ANO2: variants seen among roughly 807,000 people sequenced by gnomAD.
ANO2 encodes anoctamin 2.
ANO2 carries 101 observed loss-of-function variants against 124.2 expected under a neutral mutation model. That is an observed-to-expected ratio of 0.81 (90% CI 0.69 to 0.96). The LOEUF is 0.96. ANO2 is among the 40% of genes least tolerant of loss of function. The pLI, the probability that ANO2 is intolerant of heterozygous loss-of-function variation, is 0.00. For missense variants in ANO2, 1,293 were observed against 1,274.5 expected, an observed-to-expected ratio of 1.01 and a Z score of -0.22; for synonymous variants, 486 against 482.5, an observed-to-expected ratio of 1.01 and a Z score of -0.09.
intron 14 of ANO2, among the ~76,000 whole-genome samples, chr12:5,670,174 C>T (rs1947924506): frequency 1.3e-5 from 2 of 152,212 alleles, no homozygotes; most frequent in Non-Finnish European, 2.9e-5. Context: ...AGTCACTTGA[C>T]CTGAGACTAG....
intron 11 of ANO2, among the ~76,000 whole-genome samples, chr12:5,749,414 C>G (rs1446909015): frequency 6.6e-6 from 1 of 152,194 alleles, no homozygotes; most frequent in Non-Finnish European, 1.5e-5. Context: ...GTATAAAGCT[C>G]TAAGGTGTAA....
chr12:5,861,409 G>T (rs147861394), intron 3 of ANO2, among the ~76,000 whole-genome samples: 1 of 152,304 alleles, frequency 6.6e-6, no homozygotes, highest in East Asian at 1.9e-4. Context: ...ACTGGAGGTC[G>T]CGCTCCTGGT....
At chr12:5,600,648 A>G (rs1452821229) in intron 19 of ANO2, among the ~76,000 whole-genome samples, 1 of 152,218 alleles carries the variant, frequency 6.6e-6, no homozygotes, top group African/African-American at 2.4e-5. Context: ...CATACTTCCC[A>G]TTGATGCACA....
intron 1 of ANO2, among the ~76,000 whole-genome samples, chr12:5,943,702 C>T (rs7314566): frequency 0.36 from 55,188 of 152,030 alleles, 10,892 homozygotes; most frequent in Middle Eastern, 0.49. Flanking sequence ...TGGATTATAC[C>T]GTGTACTAGA....
chr12:5,582,591 T>C (rs1253564112), intron 20 of ANO2, among the ~76,000 whole-genome samples: 1 of 152,208 alleles, frequency 6.6e-6, no homozygotes, highest in African/African-American at 2.4e-5. Context: ...GGAATACAAT[T>C]CTGATTTTTT....
chr12:5,870,578 C>A (rs1955547327), intron 3 of ANO2: 1 of 152,230 alleles, frequency 6.6e-6, no homozygotes. Context: ...CTTTGATGGG[C>A]TGCAAAGCTC....
Position 5,787,648 on chromosome 12 carries a change from T to C in ANO2, c.1055+11859A>G, listed in dbSNP as rs945860749. Reference sequence around the variant, plus strand: ...GCCTGCCACACAGCAAACATCTAACTGTTAGCTGTTGTCATTATTTTCCTC... The same window carrying C: ...GCCTGCCACACAGCAAACATCTAACCGTTAGCTGTTGTCATTATTTTCCTC... On this transcript the variant is annotated intron_variant, in intron 10 of 24. Transcript: ENST00000682330. This position sits in a 1 kb window ranked among gnomAD's most constrained non-coding sequence, Gnocchi z 4.2. Among the ~76,000 whole-genome samples the C allele has an allele frequency of 6.6e-6, 1 of 152,236 alleles. No individual in the cohort carries two copies. The highest frequency in any genetic ancestry group is 1.5e-5 in the Non-Finnish European group (1 of 68,040).
chr12:5,917,706 T>C (rs1941465475), intron 3 of ANO2, among the ~76,000 whole-genome samples: 1 of 151,692 alleles, frequency 6.6e-6, no homozygotes, highest in South Asian at 2.1e-4. Flanking sequence ...TAGCTGCGAC[T>C]ACAGATGCGC....
In ANO2 at chr12:5,578,248, C is replaced by T. The variant is rs1482523324; in HGVS notation, c.2386+118G>A. On this transcript the variant is annotated intron_variant, in intron 21 of 24. Transcript: ENST00000682330. ...CACTTCAGGATATGAGGATGAGGGA[C>T]CCAAAGGGAAGAGGGGCTTTCCCAG... 6 of 1,427,066 alleles carry T rather than the reference C, an allele frequency of 4.2e-6. No homozygotes were observed. The East Asian group carries it at 1.2e-4, about 27-fold the overall frequency. 88.4% of individuals were successfully genotyped at this position (1,427,066 alleles called of 1,614,324 possible).
intron 19 of ANO2, among the ~76,000 whole-genome samples, chr12:5,608,435 T>C (rs576073881): frequency 2.0e-5 from 3 of 152,094 alleles, no homozygotes; most frequent in Non-Finnish European, 1.5e-5. Context: ...GTACACATCC[T>C]CTGGCAGAGT....
At chr12:5,596,005 T>C (rs920563515) in intron 20 of ANO2, among the ~76,000 whole-genome samples, 1 of 152,234 alleles carries the variant, frequency 6.6e-6, no homozygotes, top group South Asian at 2.1e-4. Context: ...GAAAGCAATT[T>C]GGTAAAATGA....
chr12:5,740,279 G>A (rs917505683), intron 12 of ANO2: 1 of 202,224 alleles, frequency 4.9e-6, no homozygotes, highest in African/African-American at 2.3e-5. Flanking sequence ...CCTGAAAGGA[G>A]GGAAGGCCTT....
chr12:5,849,971 G>A (rs1347134647), intron 4 of ANO2, among the ~76,000 whole-genome samples: 4 of 152,100 alleles, frequency 2.6e-5, no homozygotes, highest in Admixed American at 2.6e-4. Context: ...CAGGAACTGG[G>A]TTTAACCCAG....
chr12:5,766,593 G>T (rs953077982), intron 10 of ANO2, among the ~76,000 whole-genome samples: 3 of 152,170 alleles, frequency 2.0e-5, no homozygotes, highest in African/African-American at 7.2e-5. Flanking sequence ...TGCTGATAAT[G>T]TTTTTCCTTC....
At chr12:5,592,138 C>G (rs1447588320) in intron 20 of ANO2, among the ~76,000 whole-genome samples, 1 of 152,156 alleles carries the variant, frequency 6.6e-6, no homozygotes, top group Non-Finnish European at 1.5e-5. Flanking sequence ...GCCCACAGGT[C>G]ATGGGATCAA....
At chr12:5,788,558 T>C (rs1952604974) in intron 10 of ANO2, among the ~76,000 whole-genome samples, 1 of 150,248 alleles carries the variant, frequency 6.7e-6, no homozygotes, top group African/African-American at 2.4e-5. Flanking sequence ...TGTTTGTCTT[T>C]TGTTTTTGTT....
chr12:5,605,055 C>T (rs947625466), intron 19 of ANO2, among the ~76,000 whole-genome samples: 4 of 152,152 alleles, frequency 2.6e-5, no homozygotes, highest in African/African-American at 7.2e-5. Flanking sequence ...CTTGGGCCTC[C>T]CTGCAGCAGG....
intron 7 of ANO2, among the ~76,000 whole-genome samples, chr12:5,823,993 C>A (rs1303966853): frequency 1.3e-5 from 2 of 152,226 alleles, no homozygotes; most frequent in Non-Finnish European, 2.9e-5. Context: ...CCCCTTTCAG[C>A]CACAGCTGGA....
At position 5,780,051 on chromosome 12, in the gene ANO2, T is replaced by G. The variant is rs562874526; in HGVS notation, c.1055+19456A>C. 1.7e-4 allele frequency among the ~76,000 whole-genome samples: 26 copies of G among 152,328 alleles called. No individual in the cohort carries two copies. The South Asian group carries it at 2.5e-3, about 15-fold the overall frequency. On this transcript the variant is annotated intron_variant, in intron 10 of 24. Coordinates refer to ENST00000682330, the MANE Select transcript of ANO2 (RefSeq NM_001364791.2). ...GTATCAATGTTAAACTTCCTGATTT[T>G]GAAAATCAGATGTAAGAAAAAGTCT...
Sources: allele counts gnomAD v4.1 joint callset (sites outside exome capture counted in the v4.1 genomes callset), GRCh38; gene constraint gnomAD v4.1.1; non-coding constraint Gnocchi (gnomAD v3.1); transcripts MANE v1.5; gene names NCBI Gene and HGNC (gene_info 2026-07-23, HGNC 2026-07-21).